ADAM28: variants seen among roughly 807,000 people sequenced by gnomAD.
ADAM28 encodes the protein disintegrin and metalloproteinase domain-containing protein 28.
A neutral mutation model predicts 101.2 loss-of-function variants in ADAM28; 105 were observed. The observed-to-expected ratio is 1.04, with a 90% CI of 0.89 to 1.22. The LOEUF (loss-of-function observed/expected upper bound fraction) is 1.22. ADAM28 is among the 50% of genes most tolerant of loss of function. ADAM28 has a pLI of 0.00. For missense variants in ADAM28, 1,028 were observed against 945.4 expected (o/e 1.09, Z -1.15); for synonymous variants, 322 against 310.6 (o/e 1.04, Z -0.39).
chr8:24,317,914 T>A (rs930914345), intron 6 of ADAM28, among the ~76,000 whole-genome samples: 3 of 151,910 alleles, frequency 2.0e-5, no homozygotes, highest in African/African-American at 7.3e-5. Flanking sequence ...TGAGGACTGT[T>A]AAGGACAAAA....
intron 18 of ADAM28, among the ~76,000 whole-genome samples, chr8:24,345,798 C>T (rs913871784): frequency 3.3e-5 from 5 of 152,012 alleles, no homozygotes; most frequent in Admixed American, 2.6e-4. Context: ...ACTTGGAGGA[C>T]TAGCGATACA....
rs1423884656 is a variant in ADAM28 at position 24,341,732 on chromosome 8, A to G, written c.1805A>G (p.Asn602Ser). 8 of 1,613,854 alleles carry G rather than the reference A, an allele frequency of 5.0e-6. No individual in the cohort carries two copies. The highest frequency in any genetic ancestry group is 2.7e-5 in the African/African-American group (2 of 75,040). ...DTSQEIGMVANGTKCGDNKVC... is the reference protein window; with the variant it reads ...DTSQEIGMVASGTKCGDNKVC... ...AGTCAAGAAATAGGCATGGTGGCCA[A>G]TGGAACTAAGTGTGGCGATAACAAG... is the stretch of plus-strand genomic sequence containing the variant. The change falls in exon 16 of 23, where the codon AAT becomes AGT. Residue 602 changes from asparagine to serine, a missense_variant. Transcript: ENST00000265769.
At chr8:24,336,444 G>A (rs965576899) in intron 14 of ADAM28, among the ~76,000 whole-genome samples, 7 of 151,474 alleles carry the variant, frequency 4.6e-5, no homozygotes, top group African/African-American at 1.2e-4. Context: ...TTAGCCGGGC[G>A]TGCTAGTGGG....
chr8:24,325,861 G>A (rs1812468340), intron 9 of ADAM28, among the ~76,000 whole-genome samples: 1 of 50,996 alleles, frequency 2.0e-5, no homozygotes, highest in Non-Finnish European at 3.4e-5. Flanking sequence ...CCAGGATCTT[G>A]TACAGATAGC....
intron 1 of ADAM28, chr8:24,295,770 T>C (rs907403033): frequency 1.3e-4 from 20 of 152,372 alleles, no homozygotes; most frequent in Admixed American, 4.6e-4. Flanking sequence ...CTTTAACTTC[T>C]AGCTTCTATT....
chr8:24,324,166 TA>T (rs1045478033), intron 9 of ADAM28, among the ~76,000 whole-genome samples, 163 bp downstream of exon 9: 3 of 151,552 alleles, frequency 2.0e-5, no homozygotes, highest in Non-Finnish European at 4.4e-5. Context: ...GTATTTTTTT[TA>T]AAAAAAGAGA....
chr8:24,304,784 G>A (rs1038215481), intron 2 of ADAM28, among the ~76,000 whole-genome samples: 5 of 151,662 alleles, frequency 3.3e-5, no homozygotes, highest in African/African-American at 9.7e-5. Context: ...GAGAATCATT[G>A]GAAACCTCTA....
intron 13 of ADAM28, 135 bp from the exon 14 acceptor site, chr8:24,335,311 T>C: frequency 3.6e-6 from 5 of 1,388,434 alleles, no homozygotes; most frequent in Non-Finnish European, 4.7e-6. Context: ...TTTATGACAA[T>C]GTAAGCTTCA....
At chr8:24,348,624 T>C (rs549959464) in intron 18 of ADAM28, among the ~76,000 whole-genome samples, 14 of 152,252 alleles carry the variant, frequency 9.2e-5, no homozygotes, top group African/African-American at 3.1e-4. Flanking sequence ...TGCAAAAAAT[T>C]TAAAGATTAA....
chr8:24,327,566 C>A (rs1343525933), intron 10 of ADAM28, among the ~76,000 whole-genome samples: 1 of 152,066 alleles, frequency 6.6e-6, no homozygotes, highest in Non-Finnish European at 1.5e-5. Flanking sequence ...CAAAAAAGAG[C>A]CTGCATAGCA....
At chr8:24,348,639 T>A (rs1418832101) in intron 18 of ADAM28, among the ~76,000 whole-genome samples, 1 of 152,180 alleles carries the variant, frequency 6.6e-6, no homozygotes, top group Non-Finnish European at 1.5e-5. Context: ...GATTAAAAGA[T>A]TATTTTTAAT....
intron 4 of ADAM28, 36 bp from the exon 5 acceptor site, chr8:24,311,325 C>A: frequency 6.4e-7 from 1 of 1,557,334 alleles, no homozygotes; most frequent in Non-Finnish European, 8.8e-7. Context: ...CTAAAATTCA[C>A]ATGTACTTCT....
intron 5 of ADAM28, among the ~76,000 whole-genome samples, chr8:24,312,141 A>C (rs192819474): frequency 8.7e-4 from 132 of 152,298 alleles, no homozygotes; most frequent in African/African-American, 3.1e-3. Flanking sequence ...GCATCTGTCT[A>C]TATATAGTAA....
chr8:24,325,410 A>T (rs189845157), intron 9 of ADAM28, among the ~76,000 whole-genome samples: 1 of 152,114 alleles, frequency 6.6e-6, no homozygotes, highest in African/African-American at 2.4e-5. Context: ...CTTAGGTATA[A>T]GTAGGTTAAA....
intron 18 of ADAM28, among the ~76,000 whole-genome samples, chr8:24,348,424 C>G (rs912204926): frequency 2.0e-5 from 3 of 152,064 alleles, no homozygotes; most frequent in Non-Finnish European, 2.9e-5. Context: ...CATTATCACC[C>G]CAAGCCCACA....
chr8:24,357,507 G>C lies in ADAM28; in HGVS notation c.*3103G>C, dbSNP rs1816757668. The stretch of plus-strand genomic sequence containing the variant: ...CATATGATGGAAGATGTGTATGAAG[G>C]AGGAACTGTCAAACACTTATAAAAC... On this transcript the variant is annotated 3_prime_UTR_variant, in exon 23 of 23. Coordinates refer to ENST00000265769, the MANE Select transcript of ADAM28 (RefSeq NM_014265.6). 1.3e-5 allele frequency: 2 copies of C among 152,108 alleles called. No individual in the cohort carries two copies. Among genetic ancestry groups the C allele is most frequent in the African/African-American group, 4.8e-5 (2 of 41,418 alleles). The allele number at this position is 152,108 out of a possible 1,614,324, so 9.4% of individuals were successfully genotyped here.
At chr8:24,322,258 T>C (rs1811977250) in intron 8 of ADAM28, among the ~76,000 whole-genome samples, 1 of 151,908 alleles carries the variant, frequency 6.6e-6, no homozygotes, top group Non-Finnish European at 1.5e-5. Context: ...GAAACTGGCC[T>C]TAGACTCAGA....
intron 17 of ADAM28, 28 bp from the exon 18 acceptor site, chr8:24,343,478 G>A (rs371106714): frequency 8.1e-6 from 13 of 1,609,718 alleles, no homozygotes; most frequent in African/African-American, 4.0e-5. Context: ...GCCTAGCGGG[G>A]ACAGTAACAG....
At chr8:24,311,258 GT>G in intron 4 of ADAM28, 102 bp from the exon 5 acceptor site, 2 of 782,206 alleles carry the variant, frequency 2.6e-6, no homozygotes, top group Non-Finnish European at 2.1e-6. Context: ...GCAGAATATT[GT>G]TTGAAAGCAT....
Sources: gnomAD v4.1 joint callset for allele counts (sites outside exome capture counted in the v4.1 genomes callset) on GRCh38, gnomAD v4.1.1 for gene constraint, MANE v1.5 for transcripts, NCBI Gene and HGNC (gene_info 2026-07-23, HGNC 2026-07-21) for gene names.